CABIN1: variants seen among roughly 807,000 people sequenced by gnomAD.
CABIN1 encodes calcineurin-binding protein cabin-1.
Under a neutral mutation model 227.7 loss-of-function variants are expected in CABIN1, and 133 were observed. The observed-to-expected ratio is 0.58, with a 90% CI of 0.51 to 0.67. CABIN1 has a LOEUF of 0.67. Ranked by LOEUF, CABIN1 falls within the 30% of genes least tolerant of loss-of-function variation. The pLI is 0.00. For missense variants in CABIN1, 2,408 were observed against 2,852.5 expected (o/e 0.84, Z 3.55); for synonymous variants, 1,086 against 1,155.1 (o/e 0.94, Z 1.21).
At chr22:24,110,400 G>T (rs963350534) in intron 26 of CABIN1, among the ~76,000 whole-genome samples, 1 of 152,088 alleles carries the variant, frequency 6.6e-6, no homozygotes, top group Non-Finnish European at 1.5e-5. Flanking sequence ...ACAATACATT[G>T]CTACTATTTT....
chr22:24,153,993 A>G (rs939821184), intron 29 of CABIN1, among the ~76,000 whole-genome samples: 6 of 152,120 alleles, frequency 3.9e-5, no homozygotes, highest in African/African-American at 9.7e-5. Context: ...TTCTTTGGCA[A>G]TGTGTCTGAG....
intron 29 of CABIN1, among the ~76,000 whole-genome samples, chr22:24,135,006 G>C (rs183665284): frequency 1.3e-5 from 2 of 152,064 alleles, no homozygotes; most frequent in Non-Finnish European, 2.9e-5. Context: ...GAGCCCGGGA[G>C]GTGGAGGTTG....
rs559855845 is a variant in CABIN1, at chr22:24,176,229, G to A, written c.6159G>A (p.Pro2053=). Residue 2053 remains proline (P), a synonymous_variant, in exon 35 of 37, where the codon CCG becomes CCA. Coordinates refer to ENST00000263119, the MANE Select transcript of CABIN1 (RefSeq NM_012295.4). ...TSSPAEPHCW[P]AEAALGTGAE... The stretch of plus-strand genomic sequence containing the variant: ...CCCCGGCAGAGCCACACTGCTGGCC[G>A]GCAGAGGCTGCCCTGGGCACAGGCG... 77 of 1,609,260 alleles carry A rather than the reference G, an allele frequency of 4.8e-5. No homozygotes were observed. Among genetic ancestry groups the A allele is most frequent in the East Asian group, 2.5e-4 (11 of 44,646 alleles).
chr22:24,070,707 C>G (rs1378888112), intron 16 of CABIN1, 93 bp from the exon 17 acceptor site: 1 of 1,580,262 alleles, frequency 6.3e-7, no homozygotes, highest in Non-Finnish European at 8.7e-7. Flanking sequence ...TTTGCTGCCC[C>G]TCATCTGTTT....
At chr22:24,175,861 G>GT in intron 34 of CABIN1, 1 of 601,170 alleles carries the variant, frequency 1.7e-6, no homozygotes, top group Non-Finnish European at 3.0e-6. Flanking sequence ...TGGGTCAGGT[G>GT]TATAGCCCTC....
intron 19 of CABIN1, among the ~76,000 whole-genome samples, chr22:24,079,341 C>G (rs1001330208): frequency 5.3e-5 from 8 of 152,008 alleles, no homozygotes; most frequent in African/African-American, 1.9e-4. Context: ...TTGGGAGTTA[C>G]AAATGATATT....
Position 24,050,932 on chromosome 22 carries a change from A to T in CABIN1, c.764A>T (p.Lys255Met). Reference protein sequence around the residue: ...KKRQALIVREKEPDLKLVQPI... With the variant: ...KKRQALIVREMEPDLKLVQPI... ...AGGCAAGCGCTGATTGTGCGGGAGA[A>T]GGAGCCGGACCTGAAACTTGTGCAG... The change falls in exon 8 of 37, where the codon AAG becomes ATG. Residue 255 changes from lysine (K) to methionine (M), a missense_variant. Lys to Met is a moderately conservative substitution (Grantham distance 95). Around this residue, in one of 3 missense-constraint regions of CABIN1, gnomAD observed 1,045 missense variants for 1,168.4 expected, o/e 0.89. Transcript: ENST00000263119. 6.2e-7 allele frequency: 1 copy of T among 1,614,244 alleles called. No individual in the cohort carries two copies. Among genetic ancestry groups the T allele is most frequent in the Non-Finnish European group, 8.5e-7 (1 of 1,180,044 alleles).
At chr22:24,148,650 G>T (rs945899825) in intron 29 of CABIN1, among the ~76,000 whole-genome samples, 6 of 152,348 alleles carry the variant, frequency 3.9e-5, no homozygotes, top group African/African-American at 1.4e-4. Flanking sequence ...TTCCAAAGGT[G>T]GGCCAGTTGG....
In CABIN1 at chr22:24,178,279, A is replaced by C. The variant is rs2047230598; in HGVS notation, c.*83A>C. ...CCTGGGCAGGACCCTGGGCAGGACC[A>C]GAGGCCCACATGGATGCCACTCCCC... is the stretch of plus-strand genomic sequence containing the variant. On this transcript the variant is annotated 3_prime_UTR_variant, in exon 37 of 37. Coordinates refer to ENST00000263119, the MANE Select transcript of CABIN1 (RefSeq NM_012295.4). 2 of 1,555,896 alleles carry C rather than the reference A, an allele frequency of 1.3e-6. No individual in the cohort carries two copies. The highest frequency in any genetic ancestry group is 4.6e-5 in the East Asian group (2 of 43,674).
intron 6 of CABIN1, among the ~76,000 whole-genome samples, chr22:24,045,204 G>A (rs1298329643): frequency 1.3e-5 from 2 of 152,162 alleles, no homozygotes; most frequent in African/African-American, 4.8e-5. Flanking sequence ...GCTTATAGGC[G>A]TGAGCCACTG....
At chr22:24,088,981 G>A (rs2041360451) in intron 23 of CABIN1, among the ~76,000 whole-genome samples, 1 of 152,170 alleles carries the variant, frequency 6.6e-6, no homozygotes, top group Admixed American at 6.5e-5. Context: ...GTGTTGCAGT[G>A]GCCCCAGAGT....
chr22:24,040,471 TG>T (rs1555911597), intron 4 of CABIN1, among the ~76,000 whole-genome samples: 2 of 152,202 alleles, frequency 1.3e-5, no homozygotes, highest in Non-Finnish European at 2.9e-5. Context: ...CTTTGTCCTG[TG>T]GTTGGAGCAA....
chr22:24,085,134 C>T lies in CABIN1; in HGVS notation c.3246C>T (p.Ile1082=), dbSNP rs1224738837. ...SKAIKFYMHD[I]CICPNRFDSW... ...CCATCAAGTTCTACATGCATGACAT[C>T]TGCATCTGCCCCAATAGGTCAGTGA... Residue 1082 remains isoleucine (I), a synonymous_variant, in exon 22 of 37, where the codon ATC becomes ATT. Coordinates refer to ENST00000263119, the MANE Select transcript of CABIN1 (RefSeq NM_012295.4). 6.2e-7 allele frequency: 1 copy of T among 1,614,226 alleles called. No homozygotes were observed. Among genetic ancestry groups the T allele is most frequent in the Non-Finnish European group, 8.5e-7 (1 of 1,180,040 alleles).
At chr22:24,149,997 C>G (rs1166645366) in intron 29 of CABIN1, among the ~76,000 whole-genome samples, 1 of 152,244 alleles carries the variant, frequency 6.6e-6, no homozygotes, top group Non-Finnish European at 1.5e-5. Context: ...GAACCTGGCC[C>G]TGCCTCACGG....
At chr22:24,098,855 CA>C (rs377204843) in intron 26 of CABIN1, among the ~76,000 whole-genome samples, 7 of 152,270 alleles carry the variant, frequency 4.6e-5, no homozygotes, top group African/African-American at 1.2e-4. Context: ...TGGGATAAGC[CA>C]AATTGGTGAT....
intron 29 of CABIN1, among the ~76,000 whole-genome samples, chr22:24,138,074 C>T (rs1301551752): frequency 1.3e-5 from 2 of 152,226 alleles, no homozygotes; most frequent in Non-Finnish European, 2.9e-5. Flanking sequence ...CCACACTGCC[C>T]AGCCTTTGTG....
intron 27 of CABIN1, among the ~76,000 whole-genome samples, chr22:24,119,047 C>T (rs940422832): frequency 6.6e-6 from 1 of 152,220 alleles, no homozygotes; most frequent in African/African-American, 2.4e-5. Context: ...TACCCCAGCC[C>T]CAGAGGTGGG....
intron 20 of CABIN1, 87 bp from the exon 21 acceptor site, chr22:24,084,492 C>A: frequency 2.8e-6 from 3 of 1,056,614 alleles, no homozygotes; most frequent in Non-Finnish European, 4.5e-6. Flanking sequence ...TTACATTGGA[C>A]AAAGTGCGTT....
intron 28 of CABIN1, among the ~76,000 whole-genome samples, chr22:24,131,975 A>T (rs2044102151): frequency 6.6e-6 from 1 of 151,930 alleles, no homozygotes. Context: ...CTGAAGCAGG[A>T]GAATCACTTG....
Sources: gnomAD v4.1 joint callset for allele counts (sites outside exome capture counted in the v4.1 genomes callset) on GRCh38, gnomAD v4.1.1 for gene constraint, gnomAD v4.1.1 regional missense constraint, MANE v1.5 for transcripts, NCBI Gene and HGNC (gene_info 2026-07-23, HGNC 2026-07-21) for gene names.